ODAD4: variants seen among roughly 807,000 people sequenced by gnomAD.
The protein encoded by ODAD4 is outer dynein arm-docking complex subunit 4.
In ODAD4, 49 loss-of-function variants were observed where a neutral mutation model predicts 51.8. That is an observed-to-expected ratio of 0.95 (90% confidence interval 0.75 to 1.20). The LOEUF (loss-of-function observed/expected upper bound fraction) is 1.20. ODAD4 is among the 50% of genes most tolerant of loss of function. ODAD4 has a pLI of 0.00. For synonymous variants in ODAD4, 235 were observed against 221.3 expected (o/e 1.06, Z -0.55); for missense variants, 590 against 586.5 (o/e 1.01, Z -0.06).
At chr17:41,952,139 T>C (rs1164962009) in intron 9 of ODAD4, among the ~76,000 whole-genome samples, 3 of 151,344 alleles carry the variant, frequency 2.0e-5, no homozygotes, top group Non-Finnish European at 4.4e-5. Context: ...GAGGCCAAGG[T>C]GGGCAGATCA....
chr17:41,954,648 T>C (rs2050703759), intron 9 of ODAD4, among the ~76,000 whole-genome samples: 1 of 151,922 alleles, frequency 6.6e-6, no homozygotes, highest in Non-Finnish European at 1.5e-5. Flanking sequence ...GGTCAGGGTT[T>C]AAGACCAGCC....
chr17:41,931,952 A>T (rs2050348613), intron 1 of ODAD4, among the ~76,000 whole-genome samples: 1 of 137,198 alleles, frequency 7.3e-6, no homozygotes, highest in Admixed American at 7.1e-5. Flanking sequence ...TTGGAGACGT[A>T]GTCTTGCTCT....
chr17:41,950,306 C>G (rs1233376711), intron 9 of ODAD4, among the ~76,000 whole-genome samples: 1 of 151,712 alleles, frequency 6.6e-6, no homozygotes, highest in African/African-American at 2.4e-5. Context: ...TGTAGGTAGG[C>G]ATTATCATCC....
chr17:41,938,642 C>T lies in ODAD4; in HGVS notation c.711C>T (p.Asn237=), dbSNP rs781987336. ...TGINYLDTHS[N]FWRQQKPIYA... is the part of the protein sequence containing the mutation. ...TCAACTACCTGGATACTCACAGCAA[C>T]TTCTGGAGGCAGCAGAAGCCGATCT... The change falls in exon 6 of 12, where the codon AAC becomes AAT. Residue 237 remains asparagine (N), a synonymous_variant. Transcript: ENST00000377540. 42 of 1,614,008 alleles carry T rather than the reference C, an allele frequency of 2.6e-5. No individual in the cohort carries two copies. The highest frequency in any genetic ancestry group is 2.2e-4 in the East Asian group (10 of 44,884).
At position 41,966,300 on chromosome 17, in the gene ODAD4, G is replaced by A. The variant is rs2050886324; in HGVS notation, c.*817G>A. On this transcript the variant is annotated 3_prime_UTR_variant, in exon 12 of 12. Coordinates refer to ENST00000377540, the MANE Select transcript of ODAD4 (RefSeq NM_031421.5). The stretch of plus-strand genomic sequence containing the variant: ...TCCACAGCTCCTAGAAGGAAAGGTC[G>A]GGGCTGAGACTGACTTTCGGCTGGC... 6.6e-6 allele frequency among the ~76,000 whole-genome samples: 1 copy of A among 152,168 alleles called. No homozygotes were observed. The highest frequency in any genetic ancestry group is 2.1e-4 in the South Asian group (1 of 4,830).
intron 9 of ODAD4, among the ~76,000 whole-genome samples, chr17:41,953,949 A>G (rs1278900854): frequency 2.6e-5 from 4 of 151,752 alleles, no homozygotes; most frequent in Admixed American, 2.6e-4. Context: ...TATAGGTGTG[A>G]GCCACCGCAC....
chr17:41,939,714 C>G (rs1205232756), intron 7 of ODAD4, among the ~76,000 whole-genome samples: 2 of 152,126 alleles, frequency 1.3e-5, no homozygotes, highest in Admixed American at 1.3e-4. Flanking sequence ...CTGGAGAGCA[C>G]AGCATATTGC....
chr17:41,940,597 C>T (rs988143804), intron 7 of ODAD4, among the ~76,000 whole-genome samples: 3 of 152,140 alleles, frequency 2.0e-5, no homozygotes, highest in African/African-American at 4.8e-5. Context: ...GTCTTCGATC[C>T]CTGTCTTCTA....
chr17:41,937,967 A>G (rs925690980), intron 5 of ODAD4, among the ~76,000 whole-genome samples: 1 of 152,224 alleles, frequency 6.6e-6, no homozygotes, highest in Non-Finnish European at 1.5e-5. Context: ...CTGTTCTGTG[A>G]CACAGGAACA....
chr17:41,936,467 T>G lies in ODAD4; in HGVS notation c.398-6T>G. ...CCGACCTGAGCTCCAGCTTCTTTCCTTGCAGGTCCTTCTTCCATTAAGCTG... is the reference window on the plus strand; with the variant it reads ...CCGACCTGAGCTCCAGCTTCTTTCCGTGCAGGTCCTTCTTCCATTAAGCTG... On this transcript the variant is annotated splice_polypyrimidine_tract_variant and splice_region_variant and intron_variant, in intron 3 of 11. Transcript: ENST00000377540. 6.2e-7 allele frequency: 1 copy of G among 1,611,948 alleles called. No homozygotes were observed. The highest frequency in any genetic ancestry group is 1.3e-5 in the African/African-American group (1 of 75,020).
At position 41,939,209 on chromosome 17, in the gene ODAD4, C is replaced by T. The variant is rs369321866; in HGVS notation, c.1058+37C>T. On this transcript the variant is annotated intron_variant, in intron 7 of 11. Coordinates refer to ENST00000377540, the MANE Select transcript of ODAD4 (RefSeq NM_031421.5). Reference sequence around the variant, plus strand: ...AGGGGAGGCCACTGGCGTGAGCCTACGGAGAAGGACACCTGGGGCTATCTG... The same window carrying T: ...AGGGGAGGCCACTGGCGTGAGCCTATGGAGAAGGACACCTGGGGCTATCTG... The T allele has an allele frequency of 1.6e-4, 247 of 1,573,618 alleles. No individual in the cohort carries two copies. In the East Asian group the frequency reaches 4.2e-3, roughly 26 times the overall value.
chr17:41,957,058 C>T (rs1253023871), intron 10 of ODAD4, among the ~76,000 whole-genome samples: 1 of 152,034 alleles, frequency 6.6e-6, no homozygotes, highest in Non-Finnish European at 1.5e-5. Flanking sequence ...ATGCATGTCA[C>T]CATGCTGGGG....
At chr17:41,962,290 G>A (rs909236550) in intron 11 of ODAD4, among the ~76,000 whole-genome samples, 8 of 152,210 alleles carry the variant, frequency 5.3e-5, no homozygotes, top group African/African-American at 1.9e-4. Flanking sequence ...GCAGTGTGAT[G>A]GGCAGGTGCA....
intron 10 of ODAD4, among the ~76,000 whole-genome samples, chr17:41,959,333 G>T (rs188451740): frequency 6.6e-6 from 1 of 152,234 alleles, no homozygotes; most frequent in African/African-American, 2.4e-5. Flanking sequence ...CCACTGGCAC[G>T]CAGCTGGACC....
rs575401685 is a variant in ODAD4, at chr17:41,934,592, T to C, written c.115-625T>C. 2.0e-5 allele frequency among the ~76,000 whole-genome samples: 3 copies of C among 151,752 alleles called. No homozygotes were observed. The South Asian group carries it at 6.3e-4, about 32-fold the overall frequency. On this transcript the variant is annotated intron_variant, in intron 1 of 11. Coordinates refer to ENST00000377540, the MANE Select transcript of ODAD4 (RefSeq NM_031421.5). ...GTCTCAAACTCTTGGGCTCAAGCGT[T>C]CCGCCCACCTCGACCTGCCAAAGTG...
chr17:41,961,891 G>A (rs1410251189), intron 11 of ODAD4, among the ~76,000 whole-genome samples: 2 of 152,170 alleles, frequency 1.3e-5, no homozygotes, highest in African/African-American at 4.8e-5. Context: ...CTGCCATGAG[G>A]GTGCATGCAA....
intron 11 of ODAD4, among the ~76,000 whole-genome samples, chr17:41,961,968 C>G (rs2050811144): frequency 6.6e-6 from 1 of 152,166 alleles, no homozygotes; most frequent in South Asian, 2.1e-4. Flanking sequence ...ACCTCCAACT[C>G]CAAAAGATGC....
intron 11 of ODAD4, 134 bp from the exon 12 acceptor site, chr17:41,964,859 T>A: frequency 1.7e-6 from 1 of 586,682 alleles, no homozygotes; most frequent in Non-Finnish European, 3.0e-6. Flanking sequence ...CCCAGGCTGG[T>A]CTGGAACTCC....
At chr17:41,956,622 G>A (rs915891196) in intron 10 of ODAD4, among the ~76,000 whole-genome samples, 2 of 151,878 alleles carry the variant, frequency 1.3e-5, no homozygotes, top group Non-Finnish European at 2.9e-5. Flanking sequence ...GCCGGGTGTG[G>A]TGACTCACTC....
Sources: allele counts gnomAD v4.1 joint callset (sites outside exome capture counted in the v4.1 genomes callset), GRCh38; gene constraint gnomAD v4.1.1; transcripts MANE v1.5; gene names NCBI Gene and HGNC (gene_info 2026-07-23, HGNC 2026-07-21).